The following TOX3 variants were observed in gnomAD, a reference collection of about 807,000 sequenced individuals.
TOX3 encodes the protein CAG trinucleotide repeat-containing gene F9 protein.
Under a neutral mutation model 64.3 loss-of-function variants are expected in TOX3, and 22 were observed. The observed-to-expected ratio is 0.34, with a 90% CI of 0.24 to 0.49. TOX3 has a LOEUF of 0.49. Among genes scored for constraint, TOX3 ranks in the 20% least tolerant of loss-of-function variants. The pLI is 0.99. For missense variants in TOX3, 661 were observed against 714.4 expected, an observed-to-expected ratio of 0.93 and a Z score of 0.85; for synonymous variants, 291 against 273.6, an observed-to-expected ratio of 1.06 and a Z score of -0.63.
intron 1 of TOX3, among the ~76,000 whole-genome samples, chr16:52,483,416 C>T (rs958389253): frequency 6.6e-5 from 10 of 152,196 alleles, no homozygotes; most frequent in African/African-American, 1.7e-4. Flanking sequence ...GAAAACACCA[C>T]GGGCGTAACT....
At chr16:52,543,216 C>A (rs1291988217) in intron 1 of TOX3, among the ~76,000 whole-genome samples, 1 of 152,062 alleles carries the variant, frequency 6.6e-6, no homozygotes, top group Non-Finnish European at 1.5e-5. Flanking sequence ...GTTGAGTATC[C>A]CTTATCTGAA....
At chr16:52,503,601 T>G (rs948473206) in intron 1 of TOX3, among the ~76,000 whole-genome samples, 6 of 152,180 alleles carry the variant, frequency 3.9e-5, no homozygotes, top group Non-Finnish European at 7.3e-5. Flanking sequence ...CCTGAGTTTT[T>G]TAATGCTTTA....
chr16:52,439,534 C>G lies in TOX3; in HGVS notation c.1422G>C (p.Gln474His). Reference sequence around the variant, plus strand: ...GGAAATGCTGCTGCTGCATCTGCTGCTGGATTTGCTGATGCATTTGGTGCT... The same window carrying G: ...GGAAATGCTGCTGCTGCATCTGCTGGTGGATTTGCTGATGCATTTGGTGCT... ...LQQHQMHQQI[Q>H]QQMQQQHFQH... Residue 474 changes from glutamine (Q) to histidine (H), a missense_variant, in exon 7 of 7, where the codon CAG (glutamine) becomes CAC (histidine). Around this residue, in one of 3 missense-constraint regions of TOX3, gnomAD observed 299 missense variants for 292.1 expected, o/e 1.02. Transcript: ENST00000219746. 1 of 1,446,634 alleles carries G rather than the reference C, an allele frequency of 6.9e-7. No individual in the cohort carries two copies. The highest frequency in any genetic ancestry group is 9.5e-7 in the Non-Finnish European group (1 of 1,050,002). The allele number at this position is 1,446,634 out of a possible 1,614,324, so 89.6% of individuals were successfully genotyped here.
At chr16:52,512,678 G>C (rs965181500) in intron 1 of TOX3, among the ~76,000 whole-genome samples, 8 of 152,148 alleles carry the variant, frequency 5.3e-5, no homozygotes, top group South Asian at 2.1e-4. Flanking sequence ...CTTTTGAAAG[G>C]CTTCTCAGAA....
Position 52,546,983 on chromosome 16 carries a change from G to C in TOX3, c.-260C>G, listed in dbSNP as rs2151494853. 3 of 978,018 alleles carry C rather than the reference G, an allele frequency of 3.1e-6. No individual in the cohort carries two copies. The highest frequency in any genetic ancestry group is 4.6e-5 in the South Asian group (1 of 21,922). 60.6% of individuals were successfully genotyped at this position (978,018 alleles called of 1,614,324 possible). A position where few individuals can be genotyped will look rare whatever the true frequency, so the allele number is the denominator to read the frequency against. On this transcript the variant is annotated 5_prime_UTR_variant, in exon 1 of 7. Transcript: ENST00000219746. ...CGCCGGGGCACCGAGGCAGCGCTGC[G>C]CGCGGGCCGGGCGCCGGGGGCGCGG...
chr16:52,524,612 T>G (rs1303088214), intron 1 of TOX3, among the ~76,000 whole-genome samples: 1 of 152,128 alleles, frequency 6.6e-6, no homozygotes, highest in African/African-American at 2.4e-5. Flanking sequence ...AGGGACTCAC[T>G]CTTGTTACAA....
At chr16:52,501,614 C>T (rs565371660) in intron 1 of TOX3, among the ~76,000 whole-genome samples, 4 of 151,614 alleles carry the variant, frequency 2.6e-5, no homozygotes, top group Admixed American at 6.6e-5. Flanking sequence ...GAGTCGACAC[C>T]GCGCCACTGC....
In TOX3 at chr16:52,439,687, C is replaced by A. The variant is rs890865493; in HGVS notation, c.1269G>T (p.Met423Ile). The part of the protein sequence containing the change: ...APLISSMGTT[M>I]VGSAPSTQVS... ...CTTGGGTGGAGGGTGCTGAGCCAACCATGGTCGTTCCCATGGAGCTTATCA... is the reference window on the plus strand; with the variant it reads ...CTTGGGTGGAGGGTGCTGAGCCAACAATGGTCGTTCCCATGGAGCTTATCA... Residue 423 changes from methionine (M) to isoleucine (I), a missense_variant, in exon 7 of 7, where the codon ATG (methionine) becomes ATT (isoleucine). Physicochemically the swap from Met to Ile is conservative, Grantham distance 10. Coordinates refer to ENST00000219746, the MANE Select transcript of TOX3 (RefSeq NM_001080430.4). 4.3e-6 allele frequency: 7 copies of A among 1,613,790 alleles called. No individual in the cohort carries two copies. Among genetic ancestry groups the A allele is most frequent in the Non-Finnish European group, 5.9e-6 (7 of 1,179,806 alleles).
chr16:52,489,253 C>A (rs1270442621), intron 1 of TOX3, among the ~76,000 whole-genome samples: 1 of 152,168 alleles, frequency 6.6e-6, no homozygotes, highest in African/African-American at 2.4e-5. Context: ...GTTAGGGGAG[C>A]AAACACTGCT....
intron 1 of TOX3, among the ~76,000 whole-genome samples, chr16:52,490,197 G>A (rs1209247080): frequency 6.6e-6 from 1 of 152,124 alleles, no homozygotes; most frequent in Non-Finnish European, 1.5e-5. Flanking sequence ...GTGTAAAAGT[G>A]TGTGGCACTT....
chr16:52,533,101 A>G (rs1210315459), intron 1 of TOX3, among the ~76,000 whole-genome samples: 2 of 152,212 alleles, frequency 1.3e-5, no homozygotes, highest in Non-Finnish European at 1.5e-5. Context: ...CCCTAGGTAA[A>G]GATTACTTGT....
chr16:52,546,562 T>G, intron 1 of TOX3, 75 bp downstream of exon 1: 1 of 1,379,162 alleles, frequency 7.3e-7, no homozygotes, highest in Non-Finnish European at 9.8e-7. Flanking sequence ...CAGCAGGCGG[T>G]GAGCCCGAGC....
At position 52,543,051 on chromosome 16, in the gene TOX3, C is replaced by G. The variant is rs567688443; in HGVS notation, c.87+3586G>C. Among the ~76,000 whole-genome samples, 4 of 152,154 alleles carry G rather than the reference C, an allele frequency of 2.6e-5. No homozygotes were observed. In the East Asian group the frequency reaches 7.7e-4, roughly 29 times the overall value. ...CTAAGTAAGGGTGAGAGGTCAATAG[C>G]CATAATTCAAAAGGAAAAGCCCTAA... On this transcript the variant is annotated intron_variant, in intron 1 of 6. Transcript: ENST00000219746.
chr16:52,469,140 CAG>C (rs1156447212), intron 1 of TOX3, among the ~76,000 whole-genome samples: 11 of 152,200 alleles, frequency 7.2e-5, no homozygotes, highest in Non-Finnish European at 1.6e-4. Flanking sequence ...CTATATCCAT[CAG>C]AGTTGCTGAA....
At chr16:52,488,679 AGTAG>A (rs1437529115) in intron 1 of TOX3, among the ~76,000 whole-genome samples, 10 of 152,216 alleles carry the variant, frequency 6.6e-5, no homozygotes, top group Non-Finnish European at 1.5e-4. Flanking sequence ...GGTTCTAGGA[AGTAG>A]ACCAAAAAAA....
At chr16:52,478,795 A>G (rs1244497341) in intron 1 of TOX3, among the ~76,000 whole-genome samples, 1 of 152,124 alleles carries the variant, frequency 6.6e-6, no homozygotes, top group African/African-American at 2.4e-5. Context: ...GCATAGAACT[A>G]TATGGGACTG....
In TOX3 at chr16:52,485,244, G is replaced by GTA. The variant is rs761645024; in HGVS notation, c.88-16671_88-16670insTA. Among the ~76,000 whole-genome samples the GTA allele has an allele frequency of 2.6e-3, 250 of 95,304 alleles. 4 individuals carry two copies. Among genetic ancestry groups the GTA allele is most frequent in the African/African-American group, 0.012 (229 of 18,328 alleles). 62.5% of individuals were successfully genotyped at this position (95,304 alleles called of 152,430 possible). ...TACATGTGTGTGTGTGTATGTGTGTGTGTATATATATATATATATATATAT... is the reference window on the plus strand; with the variant it reads ...TACATGTGTGTGTGTGTATGTGTGTGTATGTATATATATATATATATATATAT... On this transcript the variant is annotated intron_variant, in intron 1 of 6. Coordinates refer to ENST00000219746, the MANE Select transcript of TOX3 (RefSeq NM_001080430.4).
chr16:52,522,859 C>A (rs897383260), intron 1 of TOX3, among the ~76,000 whole-genome samples: 1 of 152,136 alleles, frequency 6.6e-6, no homozygotes, highest in Non-Finnish European at 1.5e-5. Context: ...ACTTTTGCCT[C>A]AAAACACACT....
At chr16:52,443,189 C>G (rs867857400) in intron 6 of TOX3, among the ~76,000 whole-genome samples, 2 of 152,220 alleles carry the variant, frequency 1.3e-5, no homozygotes, top group Non-Finnish European at 2.9e-5. Context: ...TTCTTAACAT[C>G]TGCAGCCCAC....
Sources: allele counts gnomAD v4.1 joint callset (sites outside exome capture counted in the v4.1 genomes callset), GRCh38; gene constraint gnomAD v4.1.1; regional missense constraint gnomAD v4.1.1; transcripts MANE v1.5; gene names NCBI Gene and HGNC (gene_info 2026-07-23, HGNC 2026-07-21).